The following EML6 variants were observed in gnomAD, a reference collection of about 807,000 sequenced individuals.
EML6 encodes the protein echinoderm microtubule-associated protein-like 6.
Under a neutral mutation model 240.1 loss-of-function variants are expected in EML6, and 154 were observed. The observed-to-expected ratio is 0.64, with a 90% CI of 0.56 to 0.73. The LOEUF is 0.73. Among genes scored for constraint, EML6 ranks in the 30% least tolerant of loss-of-function variants. The pLI is 0.00. For synonymous variants in EML6, 1,148 were observed against 899.0 expected (o/e 1.28, Z -4.95); for missense variants, 2,964 against 2,474.6 (o/e 1.20, Z -4.20).
At chr2:54,791,694 A>G (rs1572902370) in intron 2 of EML6, among the ~76,000 whole-genome samples, 4 of 152,340 alleles carry the variant, frequency 2.6e-5, no homozygotes, top group Admixed American at 2.6e-4. Context: ...CCTGCAGGCT[A>G]GAGCCAAGAG....
At chr2:54,754,591 T>C (rs934411214) in intron 2 of EML6, among the ~76,000 whole-genome samples, 13 of 152,216 alleles carry the variant, frequency 8.5e-5, no homozygotes, top group African/African-American at 2.9e-4. Flanking sequence ...ATGAGTACTT[T>C]GTCAATTCTA....
chr2:54,902,282 T>C (rs1392693299), intron 22 of EML6, among the ~76,000 whole-genome samples: 2 of 152,226 alleles, frequency 1.3e-5, no homozygotes. Flanking sequence ...TTTACCCCAC[T>C]TATTTTTTGG....
chr2:54,928,835 C>G (rs1318842439), intron 28 of EML6, 84 bp downstream of exon 28: 1 of 1,479,710 alleles, frequency 6.8e-7, no homozygotes, highest in African/African-American at 1.4e-5. Flanking sequence ...TCTTTGCCCT[C>G]AAAGTTGCTG....
At chr2:54,841,358 C>T (rs1669442613) in intron 7 of EML6, among the ~76,000 whole-genome samples, 1 of 152,204 alleles carries the variant, frequency 6.6e-6, no homozygotes, top group Admixed American at 6.5e-5. Context: ...ATTTCAAGAC[C>T]TGTAGCAATG....
chr2:54,812,323 A>G (rs1253573856), intron 2 of EML6, among the ~76,000 whole-genome samples: 1 of 32,696 alleles, frequency 3.1e-5, no homozygotes, highest in Non-Finnish European at 5.6e-5. Flanking sequence ...CCAAACACTG[A>G]AAAAAAAAAA....
intron 24 of EML6, among the ~76,000 whole-genome samples, chr2:54,909,327 C>T (rs538559586): frequency 5.3e-5 from 8 of 152,300 alleles, no homozygotes; most frequent in Admixed American, 2.0e-4. Context: ...TCAAAGATAA[C>T]TAACTCCCTT....
At chr2:54,835,439 G>A (rs1342118533) in intron 7 of EML6, among the ~76,000 whole-genome samples, 2 of 152,156 alleles carry the variant, frequency 1.3e-5, no homozygotes, top group East Asian at 3.8e-4. Flanking sequence ...GCAGAAGGAG[G>A]AACAGATAAC....
chr2:54,883,273 A>G (rs1262406533), intron 17 of EML6, among the ~76,000 whole-genome samples: 1 of 152,120 alleles, frequency 6.6e-6, no homozygotes, highest in East Asian at 1.9e-4. Context: ...TATGCTCTAT[A>G]ACTGGTTTTT....
intron 2 of EML6, among the ~76,000 whole-genome samples, chr2:54,803,071 A>T (rs940035143): frequency 6.6e-6 from 1 of 152,134 alleles, no homozygotes; most frequent in Non-Finnish European, 1.5e-5. Context: ...GAAATATTAC[A>T]TATGATCCTC....
Position 54,968,692 on chromosome 2 carries a change from C to A in EML6, c.5776C>A (p.His1926Asn). The change falls in exon 41 of 42, where the codon CAC becomes AAC. Residue 1926 changes from histidine to asparagine, a missense_variant. Transcript: ENST00000356458. ...GGCCAAACATAAGCGATACTTCGGT[C>A]ACTCGGCTCACGTGACGAACATCCG... ...KFAKHKRYFG[H>N]SAHVTNIRFS... is the part of the protein sequence containing the mutation. 1 of 1,551,042 alleles carries A rather than the reference C, an allele frequency of 6.4e-7. No individual in the cohort carries two copies. The highest frequency in any genetic ancestry group is 1.2e-5 in the South Asian group (1 of 84,022).
chr2:54,846,540 G>A (rs1310182803), intron 8 of EML6, among the ~76,000 whole-genome samples: 1 of 149,982 alleles, frequency 6.7e-6, no homozygotes, highest in Non-Finnish European at 1.5e-5. Flanking sequence ...CTGGAGTGTA[G>A]TAGTATGAAC....
chr2:54,908,773 C>T (rs1673480896), intron 24 of EML6, among the ~76,000 whole-genome samples: 1 of 152,190 alleles, frequency 6.6e-6, no homozygotes. Context: ...CTGTAGGCAC[C>T]AACTGATTCA....
chr2:54,880,919 T>A (rs1366121284), intron 17 of EML6: 8 of 152,232 alleles, frequency 5.3e-5, no homozygotes, highest in Admixed American at 5.2e-4. Flanking sequence ...CTCACCAGTT[T>A]TATGCCCGAA....
intron 5 of EML6, among the ~76,000 whole-genome samples, chr2:54,826,692 A>C (rs773562308): frequency 3.3e-5 from 5 of 152,176 alleles, no homozygotes; most frequent in African/African-American, 1.2e-4. Flanking sequence ...AAAATTGCTG[A>C]AGCTTTGTGT....
intron 15 of EML6, among the ~76,000 whole-genome samples, chr2:54,870,850 T>G (rs1248293860): frequency 2.0e-5 from 3 of 152,208 alleles, no homozygotes; most frequent in African/African-American, 7.2e-5. Context: ...TTTATGCCTA[T>G]GGCTTTATCT....
intron 2 of EML6, among the ~76,000 whole-genome samples, chr2:54,736,385 A>G (rs1683392067): frequency 6.6e-6 from 1 of 152,214 alleles, no homozygotes; most frequent in Non-Finnish European, 1.5e-5. Context: ...CATGGGATTG[A>G]ACACTGCATG....
intron 2 of EML6, among the ~76,000 whole-genome samples, chr2:54,747,809 T>A (rs938698822): frequency 2.0e-5 from 3 of 152,184 alleles, no homozygotes; most frequent in Admixed American, 6.5e-5. Flanking sequence ...TTGAGATACA[T>A]GTGAAAAAAT....
intron 24 of EML6, among the ~76,000 whole-genome samples, chr2:54,909,301 T>C (rs1402067796): frequency 1.3e-5 from 2 of 152,234 alleles, no homozygotes; most frequent in African/African-American, 2.4e-5. Flanking sequence ...ACTCATTTTC[T>C]TATAATTCTA....
intron 24 of EML6, among the ~76,000 whole-genome samples, chr2:54,905,781 C>T (rs927844957): frequency 3.3e-5 from 5 of 152,162 alleles, no homozygotes; most frequent in East Asian, 1.9e-4. Flanking sequence ...TGGAAGCATA[C>T]AGTATTTGTC....
Sources: gnomAD v4.1 joint callset for allele counts (sites outside exome capture counted in the v4.1 genomes callset) on GRCh38, gnomAD v4.1.1 for gene constraint, MANE v1.5 for transcripts, NCBI Gene and HGNC (gene_info 2026-07-23, HGNC 2026-07-21) for gene names.